The following SORCS1 variants were observed in gnomAD, a reference collection of about 807,000 sequenced individuals.
SORCS1 encodes the protein sortilin related VPS10 domain containing receptor 1, also known as VPS10 domain-containing receptor SorCS1.
SORCS1 carries 60 observed loss-of-function variants against 146.1 expected under a neutral mutation model. The observed-to-expected ratio is 0.41, with a 90% CI of 0.33 to 0.51. The LOEUF (loss-of-function observed/expected upper bound fraction) is 0.51. Among genes scored for constraint, SORCS1 ranks in the 20% least tolerant of loss-of-function variants. The pLI is 0.21. For missense variants in SORCS1, 1,352 were observed against 1,487.6 expected, an observed-to-expected ratio of 0.91 and a Z score of 1.50; for synonymous variants, 637 against 584.0, an observed-to-expected ratio of 1.09 and a Z score of -1.31.
At chr10:106,788,005 T>C (rs1396628568) in intron 3 of SORCS1, among the ~76,000 whole-genome samples, 3 of 152,232 alleles carry the variant, frequency 2.0e-5, no homozygotes, top group Non-Finnish European at 4.4e-5. Context: ...TTTGAATGTG[T>C]CATGAATAGG....
At chr10:106,795,835 C>A (rs1300157110) in intron 3 of SORCS1, among the ~76,000 whole-genome samples, 1 of 152,130 alleles carries the variant, frequency 6.6e-6, no homozygotes, top group Non-Finnish European at 1.5e-5. Context: ...GAATGAGATA[C>A]GGGGTCCATC....
chr10:106,832,780 G>C (rs1338107332), intron 2 of SORCS1, among the ~76,000 whole-genome samples: 1 of 152,054 alleles, frequency 6.6e-6, no homozygotes, highest in Non-Finnish European at 1.5e-5. Context: ...GACTACATGA[G>C]AGACAAGAAA....
chr10:106,704,772 C>T (rs1854396727), intron 8 of SORCS1, among the ~76,000 whole-genome samples: 1 of 152,148 alleles, frequency 6.6e-6, no homozygotes, highest in Admixed American at 6.6e-5. Context: ...GATATGGTCT[C>T]CATTTCCACA....
intron 1 of SORCS1, among the ~76,000 whole-genome samples, chr10:106,993,506 G>C (rs1488924938): frequency 3.3e-5 from 5 of 152,114 alleles, no homozygotes; most frequent in Non-Finnish European, 7.4e-5. Context: ...CTCTGAATTA[G>C]AATTTTTGAC....
intron 1 of SORCS1, among the ~76,000 whole-genome samples, chr10:107,077,205 T>C (rs185688869): frequency 2.0e-3 from 298 of 152,308 alleles, no homozygotes; most frequent in African/African-American, 6.8e-3. Flanking sequence ...GTCCAGTATA[T>C]GGTTTAGCCA....
At chr10:107,018,864 A>G (rs1012078126) in intron 1 of SORCS1, among the ~76,000 whole-genome samples, 2 of 152,226 alleles carry the variant, frequency 1.3e-5, no homozygotes, top group African/African-American at 4.8e-5. Flanking sequence ...TTTAATAAGA[A>G]AGAACGTTTT....
At chr10:107,167,231 C>T (rs7073135), upstream of SORCS1, among the ~76,000 whole-genome samples, 34,209 of 152,096 alleles carry the variant, frequency 0.22, 3,934 homozygotes, top group African/African-American at 0.26. Context: ...CAAACAGAAG[C>T]GGAAAGTACC....
chr10:107,037,107 G>A (rs528733407), intron 1 of SORCS1, among the ~76,000 whole-genome samples: 11 of 152,198 alleles, frequency 7.2e-5, no homozygotes, highest in South Asian at 2.1e-4. Context: ...TTAGCTGGGC[G>A]CGGTGGAACA....
At chr10:106,662,101 A>T (rs1850774296) in intron 17 of SORCS1, among the ~76,000 whole-genome samples, 2 of 152,234 alleles carry the variant, frequency 1.3e-5, no homozygotes, top group African/African-American at 4.8e-5. Flanking sequence ...CTAGCCAGCA[A>T]CTAAAACAAA....
chr10:107,126,988 C>T (rs1766778230), intron 1 of SORCS1, among the ~76,000 whole-genome samples: 1 of 152,146 alleles, frequency 6.6e-6, no homozygotes, highest in African/African-American at 2.4e-5. Flanking sequence ...CTTTCCATCC[C>T]AGCCCACTCA....
chr10:107,014,284 AAGAGAGAGAG>A, intron 1 of SORCS1, among the ~76,000 whole-genome samples: 1 of 145,026 alleles, frequency 6.9e-6, no homozygotes, highest in East Asian at 2.0e-4. Context: ...AAAAGAAAAA[AAGAGAGAGAG>A]AGAGAGAGAG....
At chr10:106,689,497 G>C (rs1005859025) in intron 9 of SORCS1, among the ~76,000 whole-genome samples, 1 of 152,100 alleles carries the variant, frequency 6.6e-6, no homozygotes, top group Non-Finnish European at 1.5e-5. Flanking sequence ...ACACACCTAG[G>C]GAGTAAGTGA....
intron 2 of SORCS1, among the ~76,000 whole-genome samples, chr10:106,885,901 G>A (rs1050243694): frequency 1.8e-4 from 27 of 152,126 alleles, no homozygotes; most frequent in African/African-American, 6.5e-4. Context: ...CACCACATAA[G>A]ACGTGCCTTT....
chr10:106,950,186 C>T (rs536612837), intron 2 of SORCS1, among the ~76,000 whole-genome samples: 3 of 152,278 alleles, frequency 2.0e-5, no homozygotes, highest in South Asian at 2.1e-4. Flanking sequence ...CAACACAAAA[C>T]GAAACAAAAA....
chr10:106,842,859 C>A (rs908116505), intron 2 of SORCS1, among the ~76,000 whole-genome samples: 1 of 152,064 alleles, frequency 6.6e-6, no homozygotes, highest in Non-Finnish European at 1.5e-5. Context: ...GTGATCCACC[C>A]ACCTCAGCCT....
At chr10:106,790,361 G>A (rs540557635) in intron 3 of SORCS1, among the ~76,000 whole-genome samples, 131 of 152,258 alleles carry the variant, frequency 8.6e-4, no homozygotes, top group Non-Finnish European at 1.7e-3. Context: ...GCTTTAATCC[G>A]GTGCTGCAGC....
intron 3 of SORCS1, among the ~76,000 whole-genome samples, chr10:106,794,501 C>CTTTT (rs35647552): frequency 4.8e-5 from 6 of 126,060 alleles, no homozygotes; most frequent in African/African-American, 1.2e-4. Context: ...TTTTCTTTTT[C>CTTTT]TTTTTTTTTT....
At chr10:106,928,094 G>C (rs953479547) in intron 2 of SORCS1, among the ~76,000 whole-genome samples, 1 of 152,354 alleles carries the variant, frequency 6.6e-6, no homozygotes, top group East Asian at 1.9e-4. Flanking sequence ...CCAGTCCCGC[G>C]CCGTGCACCC....
At chr10:107,062,340 A>G (rs1961303975) in intron 1 of SORCS1, among the ~76,000 whole-genome samples, 1 of 152,106 alleles carries the variant, frequency 6.6e-6, no homozygotes, top group South Asian at 2.1e-4. Flanking sequence ...ATTGTTTTCT[A>G]GTATTTCAAC....
Sources: gnomAD v4.1 joint callset for allele counts (sites outside exome capture counted in the v4.1 genomes callset) on GRCh38, gnomAD v4.1.1 for gene constraint, MANE v1.5 for transcripts, NCBI Gene and HGNC (gene_info 2026-07-23, HGNC 2026-07-21) for gene names.